DNAH7: variants seen among roughly 807,000 people sequenced by gnomAD.
DNAH7 encodes the protein dynein axonemal heavy chain 7, also known as axonemal beta dynein heavy chain 7.
In DNAH7, 397 loss-of-function variants were observed where a neutral mutation model predicts 444.6. That is an observed-to-expected ratio of 0.89 (90% CI 0.82 to 0.97). The LOEUF (loss-of-function observed/expected upper bound fraction) is 0.97. DNAH7 is among the 50% of genes least tolerant of loss of function. The pLI, the probability that DNAH7 is intolerant of heterozygous loss-of-function variation, is 0.00. For synonymous variants in DNAH7, 1,636 were observed against 1,624.4 expected, an observed-to-expected ratio of 1.01 and a Z score of -0.17; for missense variants, 4,902 against 4,800.8, an observed-to-expected ratio of 1.02 and a Z score of -0.62.
rs187653612 is a variant in DNAH7 at position 195,739,948 on chromosome 2, A to C, written c.11868+818T>G. Among the ~76,000 whole-genome samples, 11 of 152,276 alleles carry C rather than the reference A, an allele frequency of 7.2e-5. No homozygotes were observed. The East Asian group carries it at 1.5e-3, about 21-fold the overall frequency. On this transcript the variant is annotated intron_variant, in intron 64 of 64. Transcript: ENST00000312428. The stretch of plus-strand genomic sequence containing the variant: ...GTTTTTGTTGGCGATTTCACTGTTT[A>C]AAATGACCCCCATGTGTAACACAGT...
chr2:195,954,138 T>C (rs1259133023), intron 19 of DNAH7, among the ~76,000 whole-genome samples: 1 of 152,184 alleles, frequency 6.6e-6, no homozygotes, highest in East Asian at 1.9e-4. Context: ...TAACTCGTCA[T>C]TTAACATTAG....
At chr2:195,848,804 G>C (rs902430831) in intron 46 of DNAH7, among the ~76,000 whole-genome samples, 1 of 152,208 alleles carries the variant, frequency 6.6e-6, no homozygotes, top group Non-Finnish European at 1.5e-5. Flanking sequence ...GTATCTGGGG[G>C]CCTCTGGAAG....
At chr2:196,009,084 G>C (rs993210411) in intron 10 of DNAH7, among the ~76,000 whole-genome samples, 4 of 152,070 alleles carry the variant, frequency 2.6e-5, no homozygotes, top group African/African-American at 9.7e-5. Context: ...TGAACTCAGA[G>C]CAAGAACTCA....
intron 5 of DNAH7, among the ~76,000 whole-genome samples, chr2:196,036,135 G>A (rs1310977921): frequency 6.6e-6 from 1 of 150,684 alleles, no homozygotes; most frequent in Admixed American, 6.6e-5. Flanking sequence ...GAGTTCAAGC[G>A]ATTCCCCTGC....
At chr2:196,053,450 A>G (rs1697609933) in intron 2 of DNAH7, among the ~76,000 whole-genome samples, 1 of 152,262 alleles carries the variant, frequency 6.6e-6, no homozygotes, top group Non-Finnish European at 1.5e-5. Flanking sequence ...ATGATAAATT[A>G]TAATGCTATC....
intron 15 of DNAH7, among the ~76,000 whole-genome samples, chr2:195,975,505 C>T (rs1361611643): frequency 1.3e-5 from 2 of 152,172 alleles, no homozygotes; most frequent in Non-Finnish European, 2.9e-5. Flanking sequence ...GCCACAAGAA[C>T]TGCAACTCCT....
chr2:195,905,508 CATTT>C (rs1202476005), intron 27 of DNAH7: 1 of 152,066 alleles, frequency 6.6e-6, no homozygotes, highest in Non-Finnish European at 1.5e-5. Context: ...AAAAACTGCT[CATTT>C]AGTCTGGGAA....
intron 62 of DNAH7, among the ~76,000 whole-genome samples, chr2:195,755,602 C>T (rs1185993968): frequency 6.6e-6 from 1 of 152,196 alleles, no homozygotes; most frequent in African/African-American, 2.4e-5. Context: ...TCTTCATAGG[C>T]AGCTTTTGAC....
intron 17 of DNAH7, among the ~76,000 whole-genome samples, chr2:195,961,882 G>A (rs896742419): frequency 1.2e-4 from 18 of 151,872 alleles, no homozygotes; most frequent in African/African-American, 4.4e-4. Flanking sequence ...ATATACATAG[G>A]TGAAAATTTA....
chr2:196,025,149 G>C (rs575694666), intron 7 of DNAH7, among the ~76,000 whole-genome samples: 77 of 152,222 alleles, frequency 5.1e-4, no homozygotes, highest in African/African-American at 1.7e-3. Context: ...GCAGATTTTG[G>C]TATCTGTCAG....
intron 9 of DNAH7, among the ~76,000 whole-genome samples, chr2:196,013,135 A>C (rs1694817833): frequency 6.6e-6 from 1 of 152,192 alleles, no homozygotes; most frequent in Non-Finnish European, 1.5e-5. Flanking sequence ...GTGAAGTAGA[A>C]GAAAGTTGCA....
At chr2:196,046,346 C>T (rs1697123616) in intron 5 of DNAH7, among the ~76,000 whole-genome samples, 1 of 152,154 alleles carries the variant, frequency 6.6e-6, no homozygotes, top group East Asian at 1.9e-4. Context: ...TCTGCCCTAC[C>T]CTCAAATAAG....
chr2:195,748,949 C>A (rs1693611047), intron 63 of DNAH7, among the ~76,000 whole-genome samples: 1 of 151,938 alleles, frequency 6.6e-6, no homozygotes, highest in Non-Finnish European at 1.5e-5. Context: ...GTCTAAAACA[C>A]CAAAAGCAAT....
At chr2:195,934,866 T>C in intron 20 of DNAH7, 77 bp from the exon 21 acceptor site, 11 of 1,475,950 alleles carry the variant, frequency 7.5e-6, no homozygotes, top group South Asian at 6.1e-5. Context: ...TCGTTTAAAG[T>C]TCATAAATGC....
At chr2:195,918,727 C>T (rs1000074308) in intron 24 of DNAH7, among the ~76,000 whole-genome samples, 6 of 151,924 alleles carry the variant, frequency 3.9e-5, no homozygotes, top group Non-Finnish European at 5.9e-5. Flanking sequence ...GGTCAGTGGT[C>T]GACAGGGGTT....
intron 10 of DNAH7, among the ~76,000 whole-genome samples, chr2:196,006,381 T>C (rs574032042): frequency 6.6e-6 from 1 of 152,200 alleles, no homozygotes; most frequent in African/African-American, 2.4e-5. Flanking sequence ...GTTCAATACA[T>C]GAAAAATCAA....
Position 195,990,814 on chromosome 2 carries a change from T to TATATATACTTAAATATATATAC in DNAH7, c.1354-2586_1354-2585insGTATATATATTTAAGTATATAT, listed in dbSNP as rs1374839478. On this transcript the variant is annotated intron_variant, in intron 12 of 64. Coordinates refer to ENST00000312428, the MANE Select transcript of DNAH7 (RefSeq NM_018897.3). ...GTGTGTGTGTGTGTGTGTGTGTGTA[T>TATATATACTTAAATATATATAC]ATATATATACTTAAATATATATACA... is the stretch of plus-strand genomic sequence containing the variant. 7.6e-4 allele frequency among the ~76,000 whole-genome samples: 92 copies of TATATATACTTAAATATATATAC among 120,466 alleles called. 3 individuals are homozygous for TATATATACTTAAATATATATAC. The East Asian group carries it at 0.015, about 20-fold the overall frequency. The allele number at this position is 120,466 out of a possible 152,430, so 79.0% of individuals were successfully genotyped here. A position where few individuals can be genotyped will look rare whatever the true frequency, so the allele number is the denominator to read the frequency against.
intron 12 of DNAH7, chr2:195,999,139 A>G: frequency 2.8e-6 from 2 of 717,456 alleles, no homozygotes; most frequent in East Asian, 2.7e-5. Context: ...GGGTGACACA[A>G]TCTTAAAATG....
intron 43 of DNAH7, 78 bp from the exon 44 acceptor site, chr2:195,857,801 T>C (rs939949404): frequency 1.6e-6 from 2 of 1,249,708 alleles, no homozygotes; most frequent in Admixed American, 2.8e-5. Flanking sequence ...ATTTTCAAAC[T>C]AAGCATACAG....
Sources: gnomAD v4.1 joint callset for allele counts (sites outside exome capture counted in the v4.1 genomes callset) on GRCh38, gnomAD v4.1.1 for gene constraint, MANE v1.5 for transcripts, NCBI Gene and HGNC (gene_info 2026-07-23, HGNC 2026-07-21) for gene names.